Variants in LRRC53 observed in about 807,000 individuals in gnomAD.
LRRC53 encodes leucine rich repeat containing 53.
LRRC53 carries 25 observed loss-of-function variants against 13.6 expected under a neutral mutation model. The ratio of observed to expected loss-of-function variants is 1.83; its 90% CI spans 1.34 to 2.56. LRRC53 has a LOEUF of 2.56. LRRC53 is among the 30% of genes most tolerant of loss of function. The pLI is 0.00. For synonymous variants in LRRC53, 204 were observed against 109.8 expected, an observed-to-expected ratio of 1.86 and a Z score of -5.37; for missense variants, 527 against 275.8, an observed-to-expected ratio of 1.91 and a Z score of -6.45.
intron 1 of LRRC53, among the ~76,000 whole-genome samples, chr1:74,497,898 C>T (rs912630542): frequency 6.6e-6 from 1 of 152,160 alleles, no homozygotes; most frequent in East Asian, 1.9e-4. Context: ...TTTCATCATA[C>T]GTTCCAGTGG....
At chr1:74,530,674 G>T in the LRRC53 span, among the ~76,000 whole-genome samples, 1,280 of 152,112 alleles carry the variant, frequency 8.4e-3, 16 homozygotes, top group African/African-American at 0.029. Flanking sequence ...GGAAAATGAG[G>T]AAGTGAGGAG....
chr1:74,519,453 G>A, the LRRC53 span, among the ~76,000 whole-genome samples: 16 of 128,712 alleles, frequency 1.2e-4, 2 homozygotes, highest in South Asian at 1.3e-3. Context: ...CTGAGGAATC[G>A]CCACACTGAC....
the LRRC53 span, among the ~76,000 whole-genome samples, chr1:74,521,178 G>A: frequency 2.0e-5 from 3 of 152,278 alleles, no homozygotes; most frequent in East Asian, 3.9e-4. Flanking sequence ...GTTGTGTATT[G>A]TAGTTATAAG....
At chr1:74,485,527 C>T (rs933783265) in intron 1 of LRRC53, among the ~76,000 whole-genome samples, 4 of 152,068 alleles carry the variant, frequency 2.6e-5, no homozygotes, top group Non-Finnish European at 4.4e-5. Context: ...GATTCCTGTC[C>T]CCTGGTGTAC....
chr1:74,482,094 G>A (rs1668533582), intron 2 of LRRC53, among the ~76,000 whole-genome samples: 1 of 152,174 alleles, frequency 6.6e-6, no homozygotes, highest in African/African-American at 2.4e-5. Flanking sequence ...ATTCTGGCCA[G>A]TTCGGCATTT....
At chr1:74,511,141 G>A (rs1289697068) in intron 1 of LRRC53, among the ~76,000 whole-genome samples, 3 of 151,522 alleles carry the variant, frequency 2.0e-5, no homozygotes, top group Middle Eastern at 3.2e-3. Context: ...TGATCCATCC[G>A]CCTTGGCCTC....
chr1:74,499,515 A>G (rs1015697673), intron 1 of LRRC53, among the ~76,000 whole-genome samples: 5 of 152,126 alleles, frequency 3.3e-5, no homozygotes, highest in African/African-American at 9.7e-5. Context: ...TGCCTAATTT[A>G]TAAGTTAAAT....
rs990140048 is a variant in LRRC53 at position 74,475,634 on chromosome 1, C to T, written c.1081G>A (p.Glu361Lys). Residue 361 changes from glutamate to lysine, a missense_variant, in exon 4 of 5, where the codon GAA (glutamate) becomes AAA (lysine). Physicochemically the swap from Glu to Lys is moderately conservative, Grantham distance 56. Coordinates refer to ENST00000294635, the MANE Select transcript of LRRC53 (RefSeq NM_001382280.1). ...KGYCNCHLTQ[E>K]NEIKVMSTVG... ...GTGGACATGACCTTTATCTCGTTTT[C>T]CTGAGTTAAGTGGCAGTTGCAGTAT... 4.2e-6 allele frequency: 3 copies of T among 717,004 alleles called. No individual in the cohort carries two copies. The highest frequency in any genetic ancestry group is 7.8e-6 in the Non-Finnish European group (3 of 384,910). 44.4% of individuals were successfully genotyped at this position (717,004 alleles called of 1,614,324 possible). A position where few individuals can be genotyped will look rare whatever the true frequency, so the allele number is the denominator to read the frequency against.
the LRRC53 span, among the ~76,000 whole-genome samples, chr1:74,520,001 A>G: frequency 4.2e-3 from 642 of 152,150 alleles, 6 homozygotes; most frequent in East Asian, 0.015. Flanking sequence ...TCATTTATGT[A>G]TTTAATTTTT....
At chr1:74,493,979 C>A (rs1669206193) in intron 1 of LRRC53, among the ~76,000 whole-genome samples, 1 of 152,104 alleles carries the variant, frequency 6.6e-6, no homozygotes, top group South Asian at 2.1e-4. Flanking sequence ...GGTCATAGTT[C>A]ATTAATATAA....
chr1:74,518,409 A>G, the LRRC53 span, among the ~76,000 whole-genome samples: 1 of 151,904 alleles, frequency 6.6e-6, no homozygotes, highest in Admixed American at 6.6e-5. Flanking sequence ...CTTCTTCTTT[A>G]CCTAAAGGGA....
At chr1:74,534,313 G>A in the LRRC53 span, among the ~76,000 whole-genome samples, 1 of 152,144 alleles carries the variant, frequency 6.6e-6, no homozygotes, top group Admixed American at 6.6e-5. Flanking sequence ...TCAGAAGAAT[G>A]TGATTTTAAA....
intron 1 of LRRC53, among the ~76,000 whole-genome samples, chr1:74,485,892 A>G (rs1001360012): frequency 1.3e-5 from 2 of 152,086 alleles, no homozygotes; most frequent in African/African-American, 2.4e-5. Context: ...CCAACAACCA[A>G]TGCGCTTAAA....
At chr1:74,500,010 T>C (rs1363147433) in intron 1 of LRRC53, among the ~76,000 whole-genome samples, 1 of 151,964 alleles carries the variant, frequency 6.6e-6, no homozygotes, top group Non-Finnish European at 1.5e-5. Context: ...GAATATGAGC[T>C]ATATTTCTAT....
intron 1 of LRRC53, among the ~76,000 whole-genome samples, chr1:74,496,151 T>C (rs1669316275): frequency 6.6e-6 from 1 of 152,148 alleles, no homozygotes; most frequent in Admixed American, 6.6e-5. Flanking sequence ...GATTCCAATA[T>C]ACATCCAAGT....
chr1:74,527,974 G>A, the LRRC53 span, among the ~76,000 whole-genome samples: 1 of 152,170 alleles, frequency 6.6e-6, no homozygotes, highest in East Asian at 1.9e-4. Context: ...GGTTGGGGCT[G>A]CCCGGCCAAG....
chr1:74,482,089 G>A (rs1224184800), intron 2 of LRRC53, among the ~76,000 whole-genome samples: 2 of 152,112 alleles, frequency 1.3e-5, no homozygotes, highest in African/African-American at 4.8e-5. Context: ...TATTAATTCT[G>A]GCCAGTTCGG....
chr1:74,498,581 G>T (rs1669453688), intron 1 of LRRC53, among the ~76,000 whole-genome samples: 1 of 152,060 alleles, frequency 6.6e-6, no homozygotes. Context: ...TAGTTAGGCT[G>T]TAAATACCAG....
the LRRC53 span, among the ~76,000 whole-genome samples, chr1:74,518,873 C>CT: frequency 1.9e-3 from 192 of 100,310 alleles, 3 homozygotes; most frequent in Middle Eastern, 6.7e-3. Context: ...TTTTTTTTCC[C>CT]CTTTTTTTTT....
Sources: gnomAD v4.1 joint callset for allele counts (sites outside exome capture counted in the v4.1 genomes callset) on GRCh38, gnomAD v4.1.1 for gene constraint, MANE v1.5 for transcripts, NCBI Gene and HGNC (gene_info 2026-07-23, HGNC 2026-07-21) for gene names.